C11orf87: variants seen among roughly 807,000 people sequenced by gnomAD.
C11orf87 encodes chromosome 11 open reading frame 87.
In C11orf87, 3 loss-of-function variants were observed where a neutral mutation model predicts 9.2. That is an observed-to-expected ratio of 0.33 (90% CI 0.15 to 0.84). The LOEUF (loss-of-function observed/expected upper bound fraction) is 0.84, where lower values mean the gene tolerates loss of function less well. C11orf87 is among the 40% of genes least tolerant of loss of function. C11orf87 has a pLI of 0.55. For missense variants in C11orf87, 256 were observed against 270.7 expected (o/e 0.95, Z 0.38); for synonymous variants, 124 against 124.6 (o/e 1.00, Z 0.03).
chr11:109,423,737 C>T lies in C11orf87; in HGVS notation c.104C>T (p.Ala35Val), dbSNP rs140599588. The T allele has an allele frequency of 1.2e-5, 19 of 1,613,630 alleles. No individual in the cohort carries two copies. In the African/African-American group the frequency reaches 2.5e-4, roughly 22 times the overall value. Residue 35 changes from alanine (A) to valine (V), a missense_variant, in exon 2 of 2, where the codon GCC becomes GTC. Ala to Val is a moderately conservative substitution (Grantham distance 64, BLOSUM62 0). Coordinates refer to ENST00000327419, the MANE Select transcript of C11orf87 (RefSeq NM_207645.4). This position sits in a 1 kb window ranked among gnomAD's most constrained non-coding sequence, Gnocchi z 5.3. ...PNASGSGNTG[A>V]RGPGAVGSGT... ...GCCAGCGGCAGCGGCAACACGGGTG[C>T]CCGCGGCCCAGGCGCAGTAGGCAGC... is the stretch of plus-strand genomic sequence containing the variant.
Position 109,428,350 on chromosome 11 carries a change from A to T in C11orf87, c.*4123A>T, listed in dbSNP as rs1055359232. 6.6e-6 allele frequency: 1 copy of T among 152,170 alleles called. No homozygotes were observed. The highest frequency in any genetic ancestry group is 2.4e-5 in the African/African-American group (1 of 41,452). 9.4% of individuals were successfully genotyped at this position (152,170 alleles called of 1,614,324 possible). On this transcript the variant is annotated 3_prime_UTR_variant, in exon 2 of 2. Coordinates refer to ENST00000327419, the MANE Select transcript of C11orf87 (RefSeq NM_207645.4). ...TAATATGGATAAATTAGCTTTAAGA[A>T]ACTTCTTTGACATCTGACTTTTCCA...
rs768741700 is a variant in C11orf87, at chr11:109,424,454, C to T, written c.*227C>T. 3 of 383,162 alleles carry T rather than the reference C, an allele frequency of 7.8e-6. No individual in the cohort carries two copies. The highest frequency in any genetic ancestry group is 1.4e-5 in the Non-Finnish European group (3 of 209,370). The allele number at this position is 383,162 out of a possible 1,614,324, so 23.7% of individuals were successfully genotyped here. ...AGAAGAAATAACGCTGATAATAATA[C>T]TTTATTAATATTTATAGTAATTATT... On this transcript the variant is annotated 3_prime_UTR_variant, in exon 2 of 2. Coordinates refer to ENST00000327419, the MANE Select transcript of C11orf87 (RefSeq NM_207645.4). This position sits in a 1 kb window ranked among gnomAD's most constrained non-coding sequence, Gnocchi z 4.7.
intron 1 of C11orf87, among the ~76,000 whole-genome samples, chr11:109,422,747 T>TTTTTC (rs1860509451): frequency 6.8e-6 from 1 of 146,864 alleles, no homozygotes; most frequent in African/African-American, 2.5e-5. Context: ...TTTTTTTTTT[T>TTTTTC]TGGAGAGGGG....
rs561719013 is a variant in C11orf87 at position 109,425,581 on chromosome 11, T to C, written c.*1354T>C. The stretch of plus-strand genomic sequence containing the variant: ...TACCTTATTCTGTAGTAGACTGTTA[T>C]AAAAAGATGACACACACGCTTTATT... On this transcript the variant is annotated 3_prime_UTR_variant, in exon 2 of 2. Transcript: ENST00000327419. 6.0e-6 allele frequency: 1 copy of C among 166,888 alleles called. No homozygotes were observed. The highest frequency in any genetic ancestry group is 2.4e-5 in the African/African-American group (1 of 41,580). The allele number at this position is 166,888 out of a possible 1,614,324, so 10.3% of individuals were successfully genotyped here. A position where few individuals can be genotyped will look rare whatever the true frequency, so the allele number is the denominator to read the frequency against.
At position 109,424,407 on chromosome 11, in the gene C11orf87, A is replaced by G. The variant is rs1287622026; in HGVS notation, c.*180A>G. On this transcript the variant is annotated 3_prime_UTR_variant, in exon 2 of 2. Transcript: ENST00000327419. This position sits in a 1 kb window ranked among gnomAD's most constrained non-coding sequence, Gnocchi z 4.7. ...GAGGCACTGTGCGGTATTTGTAAAT[A>G]TTGGGCGAGGAAAGTCTCGGAAGAA... 5.4e-6 allele frequency: 3 copies of G among 556,194 alleles called. No homozygotes were observed. The African/African-American group carries it at 5.8e-5, about 11-fold the overall frequency. The allele number at this position is 556,194 out of a possible 1,614,324, so 34.5% of individuals were successfully genotyped here. A position where few individuals can be genotyped will look rare whatever the true frequency, so the allele number is the denominator to read the frequency against.
chr11:109,422,627 A>T (rs1367573370), intron 1 of C11orf87, among the ~76,000 whole-genome samples: 1 of 151,576 alleles, frequency 6.6e-6, no homozygotes, highest in African/African-American at 2.4e-5. Context: ...GCTCCTCTAG[A>T]AAGAAGCAGG....
In C11orf87 at chr11:109,424,136, C is replaced by G; in HGVS notation, c.503C>G (p.Pro168Arg). The change falls in exon 2 of 2, where the codon CCG becomes CGG. Residue 168 changes from proline to arginine, a missense_variant. By Grantham distance (103) the Pro-to-Arg change is moderately radical. Transcript: ENST00000327419. The surrounding 1 kb of genome is among the most constrained non-coding windows in gnomAD (Gnocchi z 4.7). Reference sequence around the variant, plus strand: ...GGTCCCTGTGCTCCTCCGCCTCCACCGCCAGCCTCCAGTCCCCAAGGAGCA... The same window carrying G: ...GGTCCCTGTGCTCCTCCGCCTCCACGGCCAGCCTCCAGTCCCCAAGGAGCA... The part of the protein sequence containing the change: ...CQGPCAPPPP[P>R]PASSPQGAHA... 1.2e-6 allele frequency: 2 copies of G among 1,613,992 alleles called. No individual in the cohort carries two copies. The highest frequency in any genetic ancestry group is 1.7e-6 in the Non-Finnish European group (2 of 1,180,022).
Position 109,423,071 on chromosome 11 carries a change from G to T in C11orf87, c.-259-304G>T, listed in dbSNP as rs1860515718. On this transcript the variant is annotated intron_variant, in intron 1 of 1. Transcript: ENST00000327419. The surrounding 1 kb of genome is among the most constrained non-coding windows in gnomAD (Gnocchi z 5.3). ...GGAAGTAGGGACTTCAACCAAAGCG[G>T]CTGCGTGTCTGTTGCAATTATAAAG... 6.6e-6 allele frequency among the ~76,000 whole-genome samples: 1 copy of T among 152,138 alleles called. No individual in the cohort carries two copies. The highest frequency in any genetic ancestry group is 1.5e-5 in the Non-Finnish European group (1 of 68,018).
At position 109,425,038 on chromosome 11, in the gene C11orf87, A is replaced by T. The variant is rs1311345270; in HGVS notation, c.*811A>T. On this transcript the variant is annotated 3_prime_UTR_variant, in exon 2 of 2. Transcript: ENST00000327419. ...CGCTTTCATTCCCTGCCCCGCCCCC[A>T]CCCGTACACCTTTGACTTGTGACAT... is the stretch of plus-strand genomic sequence containing the variant. 9.1e-6 allele frequency: 1 copy of T among 110,392 alleles called. No individual in the cohort carries two copies. Among genetic ancestry groups the T allele is most frequent in the Non-Finnish European group, 2.1e-5 (1 of 47,508 alleles). The allele number at this position is 110,392 out of a possible 1,614,324, so 6.8% of individuals were successfully genotyped here.
rs951321451 is a variant in C11orf87, at chr11:109,425,269, A to C, written c.*1042A>C. ...TGGTTTTCTTATTATTAAACATTGC[A>C]TAAGTTACCTTTTTTGTAAAAAAAA... On this transcript the variant is annotated 3_prime_UTR_variant, in exon 2 of 2. Transcript: ENST00000327419. The C allele has an allele frequency of 6.0e-6, 1 of 166,544 alleles. No individual in the cohort carries two copies. Among genetic ancestry groups the C allele is most frequent in the African/African-American group, 2.4e-5 (1 of 41,070 alleles). 10.3% of individuals were successfully genotyped at this position (166,544 alleles called of 1,614,324 possible). A position where few individuals can be genotyped will look rare whatever the true frequency, so the allele number is the denominator to read the frequency against.
rs1405945025 is a variant in C11orf87, at chr11:109,423,982, C to G, written c.349C>G (p.Arg117Gly). 8 of 1,613,796 alleles carry G rather than the reference C, an allele frequency of 5.0e-6. No homozygotes were observed. The highest frequency in any genetic ancestry group is 6.8e-6 in the Non-Finnish European group (8 of 1,179,886). Residue 117 changes from arginine to glycine, a missense_variant, in exon 2 of 2, where the codon CGA becomes GGA. Coordinates refer to ENST00000327419, the MANE Select transcript of C11orf87 (RefSeq NM_207645.4). This position sits in a 1 kb window ranked among gnomAD's most constrained non-coding sequence, Gnocchi z 5.3. ...CAGCCGCGGTGGCGGGGGGCTGCCCCGACCTGGCAGGCAGGCCCCAACCCA... is the reference window on the plus strand; with the variant it reads ...CAGCCGCGGTGGCGGGGGGCTGCCCGGACCTGGCAGGCAGGCCCCAACCCA... ...SGSRGGGGLP[R>G]PGRQAPTHAK...
chr11:109,425,062 A>G lies in C11orf87; in HGVS notation c.*835A>G, dbSNP rs1333867990. 2 of 160,534 alleles carry G rather than the reference A, an allele frequency of 1.2e-5. No individual in the cohort carries two copies. Among genetic ancestry groups the G allele is most frequent in the Non-Finnish European group, 3.0e-5 (2 of 66,780 alleles). The allele number at this position is 160,534 out of a possible 1,614,324, so 9.9% of individuals were successfully genotyped here. A position where few individuals can be genotyped will look rare whatever the true frequency, so the allele number is the denominator to read the frequency against. ...CACCCGTACACCTTTGACTTGTGAC[A>G]TTTTCAGGATTTACAAAGGATCTGG... On this transcript the variant is annotated 3_prime_UTR_variant, in exon 2 of 2. Transcript: ENST00000327419.
At position 109,428,948 on chromosome 11, in the gene C11orf87, A is replaced by G. The variant is rs1860606576; in HGVS notation, c.*4721A>G. 1 of 152,180 alleles carries G rather than the reference A, an allele frequency of 6.6e-6. No individual in the cohort carries two copies. Among genetic ancestry groups the G allele is most frequent in the South Asian group, 2.1e-4 (1 of 4,826 alleles). 9.4% of individuals were successfully genotyped at this position (152,180 alleles called of 1,614,324 possible). ...ATATTTCCCTTACAGTTGTGATTAC[A>G]AGGGATTGTTTCTATAGAGAGATGA... is the stretch of plus-strand genomic sequence containing the variant. On this transcript the variant is annotated 3_prime_UTR_variant, in exon 2 of 2. Coordinates refer to ENST00000327419, the MANE Select transcript of C11orf87 (RefSeq NM_207645.4).
At position 109,427,450 on chromosome 11, in the gene C11orf87, G is replaced by T. The variant is rs554522869; in HGVS notation, c.*3223G>T. On this transcript the variant is annotated 3_prime_UTR_variant, in exon 2 of 2. Coordinates refer to ENST00000327419, the MANE Select transcript of C11orf87 (RefSeq NM_207645.4). ...CAATAAGCACATATCCAAGCAATTT[G>T]TACAGACCTTGTTTAAAGCACTGCT... is the stretch of plus-strand genomic sequence containing the variant. 6.6e-6 allele frequency: 1 copy of T among 152,244 alleles called. No homozygotes were observed. The highest frequency in any genetic ancestry group is 1.9e-4 in the East Asian group (1 of 5,184). The allele number at this position is 152,244 out of a possible 1,614,324, so 9.4% of individuals were successfully genotyped here.
In C11orf87 at chr11:109,425,348, CGTTT is replaced by C. The variant is rs1167285700; in HGVS notation, c.*1126_*1129del. ...AAGTGCAGTATCTAACCAACTAGAA[CGTTT>C]GTTTTATTTTTAGAACAAGTGCACC... On this transcript the variant is annotated 3_prime_UTR_variant, in exon 2 of 2. Coordinates refer to ENST00000327419, the MANE Select transcript of C11orf87 (RefSeq NM_207645.4). The C allele has an allele frequency of 6.0e-6, 1 of 165,478 alleles. No homozygotes were observed. The highest frequency in any genetic ancestry group is 2.4e-5 in the African/African-American group (1 of 40,964). 10.3% of individuals were successfully genotyped at this position (165,478 alleles called of 1,614,324 possible). A position where few individuals can be genotyped will look rare whatever the true frequency, so the allele number is the denominator to read the frequency against.
rs1272997563 is a variant in C11orf87, at chr11:109,428,685, C to A, written c.*4458C>A. On this transcript the variant is annotated 3_prime_UTR_variant, in exon 2 of 2. Transcript: ENST00000327419. ...TTCAGTTCATATTAGAATAAATTGCCCAATCTATAAGAGAGTGTTTAATCA... is the reference window on the plus strand; with the variant it reads ...TTCAGTTCATATTAGAATAAATTGCACAATCTATAAGAGAGTGTTTAATCA... 1.3e-5 allele frequency: 2 copies of A among 152,012 alleles called. No homozygotes were observed. The highest frequency in any genetic ancestry group is 2.9e-5 in the Non-Finnish European group (2 of 67,982). 9.4% of individuals were successfully genotyped at this position (152,012 alleles called of 1,614,324 possible). A position where few individuals can be genotyped will look rare whatever the true frequency, so the allele number is the denominator to read the frequency against.
At chr11:109,422,853 G>A (rs1397100933) in intron 1 of C11orf87, among the ~76,000 whole-genome samples, 1 of 151,602 alleles carries the variant, frequency 6.6e-6, no homozygotes, top group East Asian at 2.0e-4. Flanking sequence ...TGGTGCCAGG[G>A]GTATCCCCCT....
chr11:109,423,655 G>A lies in C11orf87; in HGVS notation c.22G>A (p.Glu8Lys). The change falls in exon 2 of 2, where the codon GAG becomes AAG. Residue 8 changes from glutamate (E) to lysine (K), a missense_variant. Coordinates refer to ENST00000327419, the MANE Select transcript of C11orf87 (RefSeq NM_207645.4). The surrounding 1 kb of genome is among the most constrained non-coding windows in gnomAD (Gnocchi z 5.3). ...GCCAATGAGTGCCAGGGCGCCGAAG[G>A]AGCTGAGGCTGGCGTTGCCGCCGTG... MSARAPK[E>K]LRLALPPCLL... 3 of 1,603,926 alleles carry A rather than the reference G, an allele frequency of 1.9e-6. No homozygotes were observed. Among genetic ancestry groups the A allele is most frequent in the Admixed American group, 1.7e-5 (1 of 59,874 alleles).
Position 109,423,975 on chromosome 11 carries a change from G to C in C11orf87, c.342G>C (p.Gly114=), listed in dbSNP as rs944796584. The change falls in exon 2 of 2, where the codon GGG becomes GGC. Residue 114 remains glycine, a synonymous_variant. Coordinates refer to ENST00000327419, the MANE Select transcript of C11orf87 (RefSeq NM_207645.4). This position sits in a 1 kb window ranked among gnomAD's most constrained non-coding sequence, Gnocchi z 5.3. ...GCAGCGGCAGCCGCGGTGGCGGGGGGCTGCCCCGACCTGGCAGGCAGGCCC... is the reference window on the plus strand; with the variant it reads ...GCAGCGGCAGCCGCGGTGGCGGGGGCCTGCCCCGACCTGGCAGGCAGGCCC... The part of the protein sequence containing the change: ...DHCSGSRGGG[G]LPRPGRQAPT... The C allele has an allele frequency of 6.2e-7, 1 of 1,613,856 alleles. No individual in the cohort carries two copies. Among genetic ancestry groups the C allele is most frequent in the East Asian group, 2.2e-5 (1 of 44,876 alleles).
Sources: gnomAD v4.1 joint callset for allele counts (sites outside exome capture counted in the v4.1 genomes callset) on GRCh38, gnomAD v4.1.1 for gene constraint, Gnocchi (gnomAD v3.1) non-coding constraint, MANE v1.5 for transcripts, NCBI Gene and HGNC (gene_info 2026-07-23, HGNC 2026-07-21) for gene names.